MSRA: variants seen among roughly 807,000 people sequenced by gnomAD.
MSRA encodes the protein mitochondrial peptide methionine sulfoxide reductase.
A neutral mutation model predicts 31.3 loss-of-function variants in MSRA; 54 were observed. The observed-to-expected ratio is 1.73, with a 90% CI of 1.39 to 2.17. MSRA has a LOEUF of 2.17. MSRA is among the 30% of genes most tolerant of loss of function. MSRA has a pLI of 0.00. For synonymous variants in MSRA, 169 were observed against 116.5 expected (o/e 1.45, Z -2.90); for missense variants, 507 against 300.9 (o/e 1.69, Z -5.07).
chr8:10,283,834 T>TACACACACACACACACAC (rs1481715144), intron 3 of MSRA, among the ~76,000 whole-genome samples: 198 of 71,032 alleles, frequency 2.8e-3, no homozygotes, highest in Non-Finnish European at 4.3e-3. Flanking sequence ...TATATATATA[T>TACACACACACACACACAC]ATACACACAC....
intron 1 of MSRA, among the ~76,000 whole-genome samples, chr8:10,056,024 T>G (rs1463825397): frequency 6.6e-6 from 1 of 151,966 alleles, no homozygotes; most frequent in African/African-American, 2.4e-5. Flanking sequence ...TTATAAAATA[T>G]AACCAGATTA....
intron 1 of MSRA, among the ~76,000 whole-genome samples, chr8:10,140,541 A>G (rs571851063): frequency 5.0e-4 from 76 of 152,346 alleles, no homozygotes; most frequent in Admixed American, 5.9e-4. Context: ...ACGTTTTAGC[A>G]TACCAAGGGC....
At chr8:10,346,995 G>T (rs899125879) in intron 5 of MSRA, among the ~76,000 whole-genome samples, 12 of 152,148 alleles carry the variant, frequency 7.9e-5, no homozygotes, top group African/African-American at 2.7e-4. Context: ...GCTGTTACTT[G>T]TTCCCTGTCC....
At chr8:10,208,437 T>G (rs117590567) in intron 2 of MSRA, among the ~76,000 whole-genome samples, 1 of 152,346 alleles carries the variant, frequency 6.6e-6, no homozygotes, top group East Asian at 1.9e-4. Flanking sequence ...GCAGAACTTC[T>G]CTGTTAAAAT....
At chr8:10,206,920 C>A (rs972100558) in intron 1 of MSRA, among the ~76,000 whole-genome samples, 7 of 152,230 alleles carry the variant, frequency 4.6e-5, no homozygotes, top group Non-Finnish European at 8.8e-5. Context: ...CCAAGCGTGG[C>A]TTCAGTGCTG....
At chr8:10,133,901 G>C in intron 1 of MSRA, among the ~76,000 whole-genome samples, 1 of 152,104 alleles carries the variant, frequency 6.6e-6, no homozygotes, top group East Asian at 1.9e-4. Flanking sequence ...CACAATCTCG[G>C]CTCACTGTGA....
At position 10,331,532 on chromosome 8, in the gene MSRA, A is replaced by T. The variant is rs117377830; in HGVS notation, c.543+11543A>T. ...CTGAAGCTCAGAAGTGTTCATTCAC[A>T]TTCCCAACATGACCCCCATAGTAAA... On this transcript the variant is annotated intron_variant, in intron 5 of 5. Coordinates refer to ENST00000317173, the MANE Select transcript of MSRA (RefSeq NM_012331.5). Among the ~76,000 whole-genome samples the T allele has an allele frequency of 3.1e-3, 471 of 152,286 alleles. 16 individuals carry two copies. In the East Asian group the frequency reaches 0.08, roughly 26 times the overall value.
intron 2 of MSRA, among the ~76,000 whole-genome samples, chr8:10,218,334 T>C (rs1429010866): frequency 6.6e-6 from 1 of 151,732 alleles, no homozygotes; most frequent in African/African-American, 2.4e-5. Flanking sequence ...TTAGTAGGGA[T>C]GGGGTTTCAC....
At chr8:10,328,872 G>A (rs183220317) in intron 5 of MSRA, among the ~76,000 whole-genome samples, 1 of 152,290 alleles carries the variant, frequency 6.6e-6, no homozygotes, top group African/African-American at 2.4e-5. Flanking sequence ...ATACTTCTTT[G>A]TATTTCAAAG....
At chr8:10,188,881 G>T (rs1322906018) in intron 1 of MSRA, among the ~76,000 whole-genome samples, 1 of 152,170 alleles carries the variant, frequency 6.6e-6, no homozygotes, top group Non-Finnish European at 1.5e-5. Flanking sequence ...TTAAACTTTA[G>T]AGTCAATTCA....
chr8:10,210,255 C>T (rs1451515883), intron 2 of MSRA, among the ~76,000 whole-genome samples: 1 of 152,154 alleles, frequency 6.6e-6, no homozygotes, highest in Non-Finnish European at 1.5e-5. Flanking sequence ...TTATCCAGAG[C>T]CACTTGGCCA....
intron 5 of MSRA, among the ~76,000 whole-genome samples, chr8:10,320,580 C>G (rs540992612): frequency 3.3e-5 from 5 of 152,358 alleles, no homozygotes; most frequent in Admixed American, 6.5e-5. Flanking sequence ...ATTTCTGTCT[C>G]TGTCTGAAAC....
chr8:10,217,843 C>T lies in MSRA; in HGVS notation c.211+9942C>T, dbSNP rs192594323. ...ATAAATGTTTTTTAAAACTGTTTAT[C>T]TGAATCATGAGCCAGATCGCGTATA... On this transcript the variant is annotated intron_variant, in intron 2 of 5. Transcript: ENST00000317173. Among the ~76,000 whole-genome samples the T allele has an allele frequency of 1.5e-3, 229 of 152,250 alleles. 1 individual carries two copies. Among genetic ancestry groups the T allele is most frequent in the African/African-American group, 5.1e-3 (213 of 41,562 alleles).
At chr8:10,145,512 G>T (rs1208690614) in intron 1 of MSRA, among the ~76,000 whole-genome samples, 1 of 152,010 alleles carries the variant, frequency 6.6e-6, no homozygotes, top group Admixed American at 6.6e-5. Flanking sequence ...TCTACTGCCC[G>T]GCCCTGCAAG....
chr8:10,207,274 A>G (rs1272574950), intron 1 of MSRA, among the ~76,000 whole-genome samples: 1 of 152,180 alleles, frequency 6.6e-6, no homozygotes, highest in Non-Finnish European at 1.5e-5. Flanking sequence ...AGGCACTGGA[A>G]TATCTCTCTG....
intron 1 of MSRA, among the ~76,000 whole-genome samples, chr8:10,137,125 CAAA>C (rs1288948716): frequency 1.3e-5 from 2 of 152,198 alleles, no homozygotes; most frequent in African/African-American, 4.8e-5. Context: ...TTTAACAGAA[CAAA>C]GCTCGTCTGC....
At chr8:10,165,347 AAAAC>A (rs142564475) in intron 1 of MSRA, among the ~76,000 whole-genome samples, 9,448 of 152,072 alleles carry the variant, frequency 0.062, 779 homozygotes, top group African/African-American at 0.19. Context: ...CTTTTTTTAA[AAAAC>A]AAACAAACAA....
intron 1 of MSRA, among the ~76,000 whole-genome samples, chr8:10,198,873 G>C (rs1423714509): frequency 1.3e-5 from 2 of 152,172 alleles, no homozygotes; most frequent in African/African-American, 4.8e-5. Context: ...CCTATTGTCA[G>C]ACTGCTTTCC....
At chr8:10,265,969 T>C (rs771261706) in intron 3 of MSRA, among the ~76,000 whole-genome samples, 2 of 152,244 alleles carry the variant, frequency 1.3e-5, no homozygotes, top group Non-Finnish European at 2.9e-5. Context: ...TATTCTCTTG[T>C]ATGGATGAAG....
Sources: gnomAD v4.1 joint callset for allele counts (sites outside exome capture counted in the v4.1 genomes callset) on GRCh38, gnomAD v4.1.1 for gene constraint, MANE v1.5 for transcripts, NCBI Gene and HGNC (gene_info 2026-07-23, HGNC 2026-07-21) for gene names.